The following MKNK1 variants were observed in gnomAD, a reference collection of about 807,000 sequenced individuals.
MKNK1 encodes MAP kinase-interacting serine/threonine-protein kinase 1.
A neutral mutation model predicts 49.3 loss-of-function variants in MKNK1; 30 were observed. The ratio of observed to expected loss-of-function variants is 0.61; its 90% CI spans 0.46 to 0.83. The LOEUF (loss-of-function observed/expected upper bound fraction) is 0.83. Among genes scored for constraint, MKNK1 ranks in the 40% least tolerant of loss-of-function variants. MKNK1 has a pLI of 0.00. For missense variants in MKNK1, 423 were observed against 524.7 expected, an observed-to-expected ratio of 0.81 and a Z score of 1.89; for synonymous variants, 176 against 201.7, an observed-to-expected ratio of 0.87 and a Z score of 1.08.
Position 46,580,556 on chromosome 1 carries a change from G to A in MKNK1, c.172C>T (p.Gln58Ter), listed in dbSNP as rs1276490013. 1.2e-6 allele frequency: 2 copies of A among 1,613,764 alleles called. No homozygotes were observed. Among genetic ancestry groups the A allele is most frequent in the African/African-American group, 1.3e-5 (1 of 74,934 alleles). Residue 58 changes from glutamine to a stop codon, truncating the protein, a stop_gained, in exon 4 of 13, where the codon CAG becomes TAG. Transcript: ENST00000371945. LOFTEE classifies it high-confidence loss of function. ...YAKVQGAVSL[Q>*]NGKEYAVKII... is the part of the protein sequence containing the mutation. The stretch of plus-strand genomic sequence containing the variant: ...TTGACGGCATACTCTTTGCCATTCT[G>A]TAGGCTCACGGCACCTTGAACTTTG...
intron 1 of MKNK1, among the ~76,000 whole-genome samples, chr1:46,601,046 A>G (rs12140030): frequency 3.3e-3 from 509 of 152,068 alleles, no homozygotes; most frequent in Non-Finnish European, 4.6e-3. Flanking sequence ...CCTCCCAAAT[A>G]GTTGGGATTA....
chr1:46,581,822 C>T (rs1489288267), intron 3 of MKNK1, among the ~76,000 whole-genome samples: 1 of 152,084 alleles, frequency 6.6e-6, no homozygotes, highest in Non-Finnish European at 1.5e-5. Context: ...AGTAATAGAC[C>T]TGGGTTAAAG....
chr1:46,563,186 A>G (rs1288887498), intron 9 of MKNK1, among the ~76,000 whole-genome samples: 1 of 152,224 alleles, frequency 6.6e-6, no homozygotes, highest in Non-Finnish European at 1.5e-5. Context: ...TAAATGCACC[A>G]AGAATGTGGC....
chr1:46,592,899 C>T (rs148276567), intron 2 of MKNK1, among the ~76,000 whole-genome samples: 18 of 152,136 alleles, frequency 1.2e-4, no homozygotes, highest in Middle Eastern at 3.4e-3. Flanking sequence ...GACCATCAAA[C>T]AGGGGGAAAA....
chr1:46,564,493 T>TTTTTTTAG (rs1668698960), intron 9 of MKNK1, among the ~76,000 whole-genome samples: 1 of 91,510 alleles, frequency 1.1e-5, no homozygotes, highest in Non-Finnish European at 2.7e-5. Context: ...TTTTTTTTTT[T>TTTTTTTAG]GAGACGGAGT....
intron 2 of MKNK1, chr1:46,584,490 T>G (rs909720640): frequency 3.5e-5 from 4 of 115,250 alleles, no homozygotes; most frequent in East Asian, 2.3e-4. Context: ...GTTGTTGGTG[T>G]TTTTTTTTTT....
At chr1:46,572,568 G>T (rs1348105333) in intron 6 of MKNK1, among the ~76,000 whole-genome samples, 1 of 151,930 alleles carries the variant, frequency 6.6e-6, no homozygotes, top group East Asian at 1.9e-4. Flanking sequence ...ACTTGGGGTG[G>T]GGACATAGGG....
At chr1:46,571,557 GGAAAAA>G in intron 7 of MKNK1, 1 of 436,130 alleles carries the variant, frequency 2.3e-6, no homozygotes, top group South Asian at 1.6e-5. Context: ...GGAAAAAAAA[GGAAAAA>G]GAAAAATAGA....
chr1:46,569,851 C>T (rs964409639), intron 7 of MKNK1: 4 of 151,990 alleles, frequency 2.6e-5, no homozygotes, highest in Non-Finnish European at 5.9e-5. Flanking sequence ...ACACACGGAG[C>T]CTTACTCTCC....
intron 6 of MKNK1, among the ~76,000 whole-genome samples, chr1:46,573,228 A>T (rs1670465284): frequency 6.6e-6 from 1 of 152,230 alleles, no homozygotes; most frequent in Admixed American, 6.5e-5. Flanking sequence ...GTCTGTGCAG[A>T]CATCCCCCAG....
chr1:46,586,259 T>G (rs1672553488), intron 2 of MKNK1: 1 of 294,628 alleles, frequency 3.4e-6, no homozygotes, highest in Non-Finnish European at 6.8e-6. Flanking sequence ...TAGGAATTCT[T>G]CTTGGTCATC....
At chr1:46,571,471 A>G in intron 7 of MKNK1, 1 of 375,270 alleles carries the variant, frequency 2.7e-6, no homozygotes, top group African/African-American at 2.2e-5. Flanking sequence ...GAGCCCAGGG[A>G]GGTTGGGGCT....
intron 1 of MKNK1, among the ~76,000 whole-genome samples, chr1:46,598,167 C>T (rs1401267641): frequency 6.6e-6 from 1 of 152,174 alleles, no homozygotes; most frequent in Non-Finnish European, 1.5e-5. Flanking sequence ...GAAAGAAGAA[C>T]CAAATTAGGC....
At chr1:46,564,067 G>T (rs944372646) in intron 9 of MKNK1, among the ~76,000 whole-genome samples, 4 of 66,312 alleles carry the variant, frequency 6.0e-5, no homozygotes, top group African/African-American at 2.0e-4. Context: ...AAAAAAAAAG[G>T]GTTATTAGGA....
At chr1:46,560,210 C>T (rs1032393848) in intron 12 of MKNK1, 24 bp downstream of exon 12, 20 of 1,613,278 alleles carry the variant, frequency 1.2e-5, no homozygotes, top group Middle Eastern at 1.6e-4. Flanking sequence ...AAGAGCATGG[C>T]GTGGGGGTGG....
At chr1:46,572,341 T>TC in intron 6 of MKNK1, 174 bp from the exon 7 acceptor site, 1 of 473,260 alleles carries the variant, frequency 2.1e-6, no homozygotes, top group Non-Finnish European at 3.9e-6. Context: ...GCCTCCTGAG[T>TC]AGCTGGGATT....
In MKNK1 at chr1:46,590,320, T is replaced by G. The variant is rs956527; in HGVS notation, c.-3+3793A>C. On this transcript the variant is annotated intron_variant, in intron 2 of 12. Coordinates refer to ENST00000371945, the MANE Select transcript of MKNK1 (RefSeq NM_001135553.4). ...CCCCAGAACATTTACATCTTTGAAG[T>G]AGTAGCCGGAGCAGTATTAGAGTCC... is the stretch of plus-strand genomic sequence containing the variant. Among the ~76,000 whole-genome samples the G allele has an allele frequency of 2.0e-5, 3 of 152,114 alleles. No individual in the cohort carries two copies. The East Asian group carries it at 5.8e-4, about 29-fold the overall frequency.
At chr1:46,564,959 C>T (rs1363761280) in intron 9 of MKNK1, 82 bp downstream of exon 9, 59 of 1,368,508 alleles carry the variant, frequency 4.3e-5, no homozygotes, top group Non-Finnish European at 6.0e-5. Flanking sequence ...GTTTTCCATC[C>T]TTAACCCTCT....
At chr1:46,578,151 T>C (rs891773328) in intron 4 of MKNK1, among the ~76,000 whole-genome samples, 2 of 152,212 alleles carry the variant, frequency 1.3e-5, no homozygotes, top group African/African-American at 2.4e-5. Context: ...CAGTCTTCTC[T>C]GAGGAAGTAA....
Sources: allele counts gnomAD v4.1 joint callset (sites outside exome capture counted in the v4.1 genomes callset), GRCh38; gene constraint gnomAD v4.1.1; transcripts MANE v1.5; gene names NCBI Gene and HGNC (gene_info 2026-07-23, HGNC 2026-07-21).